Variants in ASGR2 observed in about 807,000 individuals in gnomAD.
The protein encoded by ASGR2 is asialoglycoprotein receptor 2.
A neutral mutation model predicts 32.3 loss-of-function variants in ASGR2; 34 were observed. The ratio of observed to expected loss-of-function variants is 1.05; its 90% CI spans 0.80 to 1.40. The LOEUF (loss-of-function observed/expected upper bound fraction) is 1.40, where lower values mean the gene tolerates loss of function less well. Among genes scored for constraint, ASGR2 ranks in the 40% most tolerant of loss-of-function variants. The probability of loss-of-function intolerance (pLI) is 0.00; values close to 1 mark genes in which losing one functional copy is unlikely to be tolerated. For missense variants in ASGR2, 385 were observed against 386.4 expected, an observed-to-expected ratio of 1.00 and a Z score of 0.03; for synonymous variants, 143 against 150.0, an observed-to-expected ratio of 0.95 and a Z score of 0.34.
chr17:7,102,927 A>C (rs1913067763), intron 7 of ASGR2, among the ~76,000 whole-genome samples: 1 of 152,092 alleles, frequency 6.6e-6, no homozygotes, highest in Non-Finnish European at 1.5e-5. Context: ...GTGAAAGTGG[A>C]CTTCGAGCCT....
Position 7,114,086 on chromosome 17 carries a change from G to A in ASGR2, c.124+31C>T, listed in dbSNP as rs770436913. The A allele has an allele frequency of 1.2e-6, 2 of 1,613,286 alleles. No individual in the cohort carries two copies. The highest frequency in any genetic ancestry group is 1.6e-4 in the Middle Eastern group (1 of 6,082). On this transcript the variant is annotated intron_variant, in intron 2 of 8. Coordinates refer to ENST00000691900, the MANE Select transcript of ASGR2 (RefSeq NM_001201352.2). The surrounding 1 kb of genome is among the most constrained non-coding windows in gnomAD (Gnocchi z 4.5). ...GAGCAATCATGAGCTGAGACAGAGG[G>A]GGAGCAAAGCCGCAGAAACTGCACA...
intron 2 of ASGR2, 117 bp from the exon 3 acceptor site, chr17:7,109,005 G>GT (rs964856097): frequency 4.0e-5 from 37 of 936,344 alleles, no homozygotes; most frequent in Non-Finnish European, 4.9e-5. Context: ...TGGGGCCATG[G>GT]GGGGGGGTCA....
In ASGR2 at chr17:7,114,466, C is replaced by A; in HGVS notation, c.-71+149G>T. The A allele has an allele frequency of 7.3e-7, 1 of 1,373,094 alleles. No individual in the cohort carries two copies. The highest frequency in any genetic ancestry group is 1.6e-5 in the South Asian group (1 of 63,660). The allele number at this position is 1,373,094 out of a possible 1,614,324, so 85.1% of individuals were successfully genotyped here. On this transcript the variant is annotated intron_variant, in intron 1 of 8. Transcript: ENST00000691900. This position sits in a 1 kb window ranked among gnomAD's most constrained non-coding sequence, Gnocchi z 4.5. ...TGGGTCCTTTCCCTTCTCAGGAGACCGCTTGGGCCTTGACCTGGCCAGGAG... is the reference window on the plus strand; with the variant it reads ...TGGGTCCTTTCCCTTCTCAGGAGACAGCTTGGGCCTTGACCTGGCCAGGAG...
Position 7,113,485 on chromosome 17 carries a change from CACA to C in ASGR2, c.124+629_124+631del, listed in dbSNP as rs1191926859. Among the ~76,000 whole-genome samples, 3 of 150,782 alleles carry C rather than the reference CACA, an allele frequency of 2.0e-5. No homozygotes were observed. Among genetic ancestry groups the C allele is most frequent in the East Asian group, 2.0e-4 (1 of 5,122 alleles). On this transcript the variant is annotated intron_variant, in intron 2 of 8. Coordinates refer to ENST00000691900, the MANE Select transcript of ASGR2 (RefSeq NM_001201352.2). This position sits in a 1 kb window ranked among gnomAD's most constrained non-coding sequence, Gnocchi z 5.1. ...TACATACACTCACACAATACACACACACAACACACACACAACATACACAACGTA... is the reference window on the plus strand; with the variant it reads ...TACATACACTCACACAATACACACACACACACACACAACATACACAACGTA...
rs417927 is a variant in ASGR2, at chr17:7,108,025, G to C, written c.338-118C>G. The C allele has an allele frequency of 0.011, 12,470 of 1,167,212 alleles. 910 individuals are homozygous for C. The African/African-American group carries it at 0.16, about 15-fold the overall frequency. 72.3% of individuals were successfully genotyped at this position (1,167,212 alleles called of 1,614,324 possible). ...GCAGGCGTCCACCTCCTGGCTTCCT[G>C]GACCACACCCAGGCTCCCTGCACTG... On this transcript the variant is annotated intron_variant, in intron 4 of 8. Transcript: ENST00000691900. This position sits in a 1 kb window ranked among gnomAD's most constrained non-coding sequence, Gnocchi z 4.9.
At position 7,107,751 on chromosome 17, in the gene ASGR2, T is replaced by C; in HGVS notation, c.409+85A>G. 1 of 523,686 alleles carries C rather than the reference T, an allele frequency of 1.9e-6. No homozygotes were observed. The allele number at this position is 523,686 out of a possible 1,614,324, so 32.4% of individuals were successfully genotyped here. On this transcript the variant is annotated intron_variant, in intron 5 of 8. Transcript: ENST00000691900. This position sits in a 1 kb window ranked among gnomAD's most constrained non-coding sequence, Gnocchi z 5.0. Reference sequence around the variant, plus strand: ...CACGCACGCACGCACACGTGCACACTACACACACCGCACACGTACACACTA... The same window carrying C: ...CACGCACGCACGCACACGTGCACACCACACACACCGCACACGTACACACTA...
chr17:7,101,846 T>A, intron 8 of ASGR2, 106 bp from the exon 9 acceptor site: 3 of 1,429,980 alleles, frequency 2.1e-6, no homozygotes, highest in Non-Finnish European at 2.8e-6. Flanking sequence ...AGAGTGGAGC[T>A]GGGGTGTGCC....
At position 7,107,810 on chromosome 17, in the gene ASGR2, C is replaced by T. The variant is rs530779; in HGVS notation, c.409+26G>A. 572,185 of 1,611,566 alleles carry T rather than the reference C, an allele frequency of 0.36. 104,875 individuals are homozygous for T. Among genetic ancestry groups the T allele is most frequent in the Admixed American group, 0.5 (29,851 of 59,832 alleles). On this transcript the variant is annotated intron_variant, in intron 5 of 8. Coordinates refer to ENST00000691900, the MANE Select transcript of ASGR2 (RefSeq NM_001201352.2). The surrounding 1 kb of genome is among the most constrained non-coding windows in gnomAD (Gnocchi z 5.0). ...GCACACGTACACATGCACGCACATGCGCACACACCCCGGAGGCTCTCTGAC... is the reference window on the plus strand; with the variant it reads ...GCACACGTACACATGCACGCACATGTGCACACACCCCGGAGGCTCTCTGAC...
At position 7,107,906 on chromosome 17, in the gene ASGR2, T is replaced by G. The variant is rs61731746; in HGVS notation, c.339A>C (p.Gly113=). The G allele has an allele frequency of 0.054, 86,697 of 1,613,740 alleles. 4,134 individuals are homozygous for G. Among genetic ancestry groups the G allele is most frequent in the African/African-American group, 0.25 (18,752 of 74,928 alleles). ...ATGTGATCTTGTCACCCACGCTGCC[T>G]CCTGGAAGCGGAAAGCCAGCTGTTT... ...LTEVQAISTH[G]GSVGDKITSL... The change falls in exon 5 of 9, where the codon GGA becomes GGC. Residue 113 remains glycine, a splice_region_variant and synonymous_variant. Coordinates refer to ENST00000691900, the MANE Select transcript of ASGR2 (RefSeq NM_001201352.2). This position sits in a 1 kb window ranked among gnomAD's most constrained non-coding sequence, Gnocchi z 5.0.
chr17:7,106,696 G>C (rs1264217458), intron 7 of ASGR2, among the ~76,000 whole-genome samples: 1 of 151,940 alleles, frequency 6.6e-6, no homozygotes, highest in Non-Finnish European at 1.5e-5. Context: ...GAGGTCAGGA[G>C]TTCCAGACCA....
intron 2 of ASGR2, among the ~76,000 whole-genome samples, chr17:7,112,682 G>A (rs1033784670): frequency 1.3e-5 from 2 of 152,154 alleles, no homozygotes; most frequent in African/African-American, 2.4e-5. Context: ...TGGTGTTCCT[G>A]AGTGGTCCTC....
At chr17:7,106,903 CAA>C (rs66599223) in intron 7 of ASGR2, 95 bp downstream of exon 7, 41,831 of 1,284,628 alleles carry the variant, frequency 0.033, no homozygotes, top group Admixed American at 0.06. Context: ...GACTCCATCT[CAA>C]AAAAAAAAAA....
intron 2 of ASGR2, among the ~76,000 whole-genome samples, chr17:7,111,805 A>G (rs1288984703): frequency 6.6e-6 from 1 of 150,988 alleles, no homozygotes; most frequent in African/African-American, 2.4e-5. Flanking sequence ...GGGGGGAATC[A>G]CTTGAGCCCA....
rs1915126003 is a variant in ASGR2 at position 7,113,841 on chromosome 17, A to G, written c.124+276T>C. Among the ~76,000 whole-genome samples the G allele has an allele frequency of 6.6e-6, 1 of 152,194 alleles. No homozygotes were observed. ...AGTCCCAGCTGAATCTGCATTCCTC[A>G]TATGCACATACGTGCACACGCACAT... On this transcript the variant is annotated intron_variant, in intron 2 of 8. Coordinates refer to ENST00000691900, the MANE Select transcript of ASGR2 (RefSeq NM_001201352.2). The surrounding 1 kb of genome is among the most constrained non-coding windows in gnomAD (Gnocchi z 5.1).
rs373931835 is a variant in ASGR2 at position 7,107,773 on chromosome 17, AC to A, written c.409+62del. On this transcript the variant is annotated intron_variant, in intron 5 of 8. Transcript: ENST00000691900. The surrounding 1 kb of genome is among the most constrained non-coding windows in gnomAD (Gnocchi z 5.0). ...CACTACACACACCGCACACGTACAC[AC>A]TACACACACCGCACACGTACACATG... The A allele has an allele frequency of 1.3e-6, 2 of 1,554,796 alleles. No individual in the cohort carries two copies. Among genetic ancestry groups the A allele is most frequent in the Non-Finnish European group, 1.8e-6 (2 of 1,133,558 alleles).
At chr17:7,115,050 T>C, upstream of ASGR2, 1 of 971,372 alleles carries the variant, frequency 1.0e-6, no homozygotes, top group Non-Finnish European at 1.2e-6. This position sits in a 1 kb window ranked among gnomAD's most constrained non-coding sequence, Gnocchi z 4.2. Flanking sequence ...GCCTCCGAAT[T>C]TACCAGAACT....
Position 7,111,409 on chromosome 17 carries a change from C to T in ASGR2, c.125-2521G>A, listed in dbSNP as rs903640787. ...CCGTGGCTCACGCCTGGAATCCCAG[C>T]ACTGTGGGAGGCCAAGGCGGGCAGA... On this transcript the variant is annotated intron_variant, in intron 2 of 8. Transcript: ENST00000691900. Among the ~76,000 whole-genome samples, 4 of 152,302 alleles carry T rather than the reference C, an allele frequency of 2.6e-5. No individual in the cohort carries two copies. The South Asian group carries it at 6.2e-4, about 24-fold the overall frequency.
intron 7 of ASGR2, among the ~76,000 whole-genome samples, chr17:7,104,673 A>G (rs757151886): frequency 8.8e-5 from 13 of 147,736 alleles, no homozygotes; most frequent in Non-Finnish European, 1.6e-4. Context: ...TAAACAAAAA[A>G]TTTCAGATAA....
chr17:7,101,745 G>A lies in ASGR2; in HGVS notation c.756-5C>T, dbSNP rs748999146. The A allele has an allele frequency of 5.8e-5, 93 of 1,612,114 alleles. 3 individuals carry two copies. In the South Asian group the frequency reaches 9.9e-4, roughly 17 times the overall value. ...GGCTGAGTGACAGCCCAGTTCCTAA[G>A]GAGGCAAGAGAAAACTCGGACTCTG... On this transcript the variant is annotated splice_region_variant and splice_polypyrimidine_tract_variant and intron_variant, in intron 8 of 8. Transcript: ENST00000691900.
Sources: gnomAD v4.1 joint callset for allele counts (sites outside exome capture counted in the v4.1 genomes callset) on GRCh38, gnomAD v4.1.1 for gene constraint, Gnocchi (gnomAD v3.1) non-coding constraint, MANE v1.5 for transcripts, NCBI Gene and HGNC (gene_info 2026-07-23, HGNC 2026-07-21) for gene names.